The following KDELR2 variants were observed in gnomAD, a reference collection of about 807,000 sequenced individuals.
KDELR2 encodes the protein ER lumen protein-retaining receptor 2.
In KDELR2, 15 loss-of-function variants were observed where a neutral mutation model predicts 23.9. The observed-to-expected ratio is 0.63, with a 90% CI of 0.42 to 0.97. The LOEUF (loss-of-function observed/expected upper bound fraction) is 0.97, where lower values mean the gene tolerates loss of function less well. Among genes scored for constraint, KDELR2 ranks in the 50% least tolerant of loss-of-function variants. The pLI is 0.00. For synonymous variants in KDELR2, 119 were observed against 106.2 expected (o/e 1.12, Z -0.74); for missense variants, 272 against 254.6 (o/e 1.07, Z -0.46).
chr7:6,482,383 A>T (rs1785919162), intron 1 of KDELR2: 12 of 296,076 alleles, frequency 4.1e-5, no homozygotes, highest in South Asian at 3.5e-4. Flanking sequence ...GTGCCTAAAC[A>T]TCACTTACCC....
At chr7:6,471,344 G>A (rs1409423372) in intron 2 of KDELR2, among the ~76,000 whole-genome samples, 1 of 151,572 alleles carries the variant, frequency 6.6e-6, no homozygotes, top group Non-Finnish European at 1.5e-5. Context: ...ACCATGCCCA[G>A]CTAATTTTTA....
At chr7:6,482,211 C>G (rs1375501381) in intron 1 of KDELR2, among the ~76,000 whole-genome samples, 1 of 152,042 alleles carries the variant, frequency 6.6e-6, no homozygotes, top group Non-Finnish European at 1.5e-5. Context: ...CATGTTGAGG[C>G]TGGTCTTGAA....
Position 6,476,282 on chromosome 7 carries a change from A to G in KDELR2, c.92-1998T>C, listed in dbSNP as rs1318925470. 2.1e-5 allele frequency among the ~76,000 whole-genome samples: 3 copies of G among 139,794 alleles called. No homozygotes were observed. The Admixed American group carries it at 2.2e-4, about 10-fold the overall frequency. 91.7% of individuals were successfully genotyped at this position (139,794 alleles called of 152,430 possible). On this transcript the variant is annotated intron_variant, in intron 1 of 4. Transcript: ENST00000258739. ...TCCATCAATAGAAACCAAAGGGCCA[A>G]AGGAGGAGACACGGACAGTGAATCT...
intron 1 of KDELR2, among the ~76,000 whole-genome samples, chr7:6,478,905 C>T (rs1002876071): frequency 1.3e-5 from 2 of 152,042 alleles, no homozygotes; most frequent in Admixed American, 1.3e-4. Flanking sequence ...TCTCCTGCCT[C>T]AGCCTCCCTA....
chr7:6,474,240 T>C lies in KDELR2; in HGVS notation c.136A>G (p.Thr46Ala), dbSNP rs1321755977. 2.5e-6 allele frequency: 4 copies of C among 1,613,878 alleles called. No homozygotes were observed. Among genetic ancestry groups the C allele is most frequent in the African/African-American group, 1.3e-5 (1 of 74,998 alleles). ...SQLLFALVFT[T>A]RYLDLFTSFI... ...GAAGTAAAAAGATCCAGGTAACGAG[T>C]TGTGAAGACCAGTGCAAACAGAAGC... The change falls in exon 2 of 5, where the codon ACT (threonine) becomes GCT (alanine). Residue 46 changes from threonine to alanine, a missense_variant. Physicochemically the swap from Thr to Ala is moderately conservative, Grantham distance 58 (BLOSUM62 0). Coordinates refer to ENST00000258739, the MANE Select transcript of KDELR2 (RefSeq NM_006854.4).
intron 2 of KDELR2, among the ~76,000 whole-genome samples, chr7:6,472,948 G>A (rs985017987): frequency 2.1e-5 from 3 of 142,316 alleles, no homozygotes; most frequent in Admixed American, 1.5e-4. Context: ...CACCCAGGCT[G>A]CCAGGCTGGA....
chr7:6,471,904 CT>C (rs11324108), intron 2 of KDELR2, among the ~76,000 whole-genome samples: 126,821 of 144,022 alleles, frequency 0.88, 56,114 homozygotes, highest in Non-Finnish European at 0.91. Flanking sequence ...GTAAGTTTAA[CT>C]TTTTTTTTTT....
intron 1 of KDELR2, among the ~76,000 whole-genome samples, chr7:6,481,599 G>A (rs933071423): frequency 6.6e-6 from 1 of 151,748 alleles, no homozygotes; most frequent in Non-Finnish European, 1.5e-5. Flanking sequence ...GCTCACACCT[G>A]TACCCAGCAA....
chr7:6,482,832 CAAAAAAAAAAAA>C (rs10525658), intron 1 of KDELR2, among the ~76,000 whole-genome samples: 51,280 of 123,214 alleles, frequency 0.42, 10,530 homozygotes, highest in African/African-American at 0.62. Flanking sequence ...CAAAAAATAG[CAAAAAAAAAAAA>C]AAAAAAAAAA....
At chr7:6,470,995 T>C (rs1785621538) in intron 2 of KDELR2, among the ~76,000 whole-genome samples, 1 of 151,054 alleles carries the variant, frequency 6.6e-6, no homozygotes, top group Non-Finnish European at 1.5e-5. Context: ...CGGGTGCCTA[T>C]AGTTCCAGCT....
rs1785500276 is a variant in KDELR2, at chr7:6,466,223, T to A, written c.452A>T (p.Tyr151Phe). The change falls in exon 4 of 5, where the codon TAC becomes TTC. Residue 151 changes from tyrosine to phenylalanine, a missense_variant. By Grantham distance (22) the Tyr-to-Phe change is conservative. Coordinates refer to ENST00000258739, the MANE Select transcript of KDELR2 (RefSeq NM_006854.4). ...ACGATAGAGGCCCAGGAAGAACAGG[T>A]AGTGGGTGGTGATGGTCTCGGCCTC... is the stretch of plus-strand genomic sequence containing the variant. ...TGEAETITTH[Y>F]LFFLGLYRAL... The A allele has an allele frequency of 6.2e-7, 1 of 1,614,122 alleles. No homozygotes were observed.
At chr7:6,473,448 C>T (rs574958432) in intron 2 of KDELR2, among the ~76,000 whole-genome samples, 1 of 152,218 alleles carries the variant, frequency 6.6e-6, no homozygotes, top group South Asian at 2.1e-4. Context: ...CACAACTTCC[C>T]CCAGTGTGGG....
At chr7:6,481,035 C>T (rs1405503620) in intron 1 of KDELR2, among the ~76,000 whole-genome samples, 1 of 152,132 alleles carries the variant, frequency 6.6e-6, no homozygotes, top group African/African-American at 2.4e-5. Flanking sequence ...TTCATATTTT[C>T]CTTATATGCT....
intron 1 of KDELR2, among the ~76,000 whole-genome samples, chr7:6,475,925 T>A (rs1431069697): frequency 6.6e-6 from 1 of 152,170 alleles, no homozygotes; most frequent in Non-Finnish European, 1.5e-5. Flanking sequence ...TTCTTTTCTT[T>A]TTTTGAGACT....
At chr7:6,469,245 C>T (rs780618640) in intron 3 of KDELR2, among the ~76,000 whole-genome samples, 1 of 152,108 alleles carries the variant, frequency 6.6e-6, no homozygotes, top group Non-Finnish European at 1.5e-5. Context: ...AGCCACTACG[C>T]CCAGCCATAA....
intron 1 of KDELR2, among the ~76,000 whole-genome samples, chr7:6,481,490 G>A (rs139125065): frequency 2.6e-5 from 4 of 152,070 alleles, no homozygotes; most frequent in Admixed American, 2.6e-4. Context: ...ATTTGCCAGA[G>A]GAGGGGATTC....
At chr7:6,472,085 G>C (rs916148817) in intron 2 of KDELR2, among the ~76,000 whole-genome samples, 1 of 152,092 alleles carries the variant, frequency 6.6e-6, no homozygotes, top group Non-Finnish European at 1.5e-5. Context: ...TAGAGATGGG[G>C]TTTCACCATG....
chr7:6,483,870 C>T lies in KDELR2; in HGVS notation c.91+97G>A, dbSNP rs1012870335. On this transcript the variant is annotated intron_variant, in intron 1 of 4. Coordinates refer to ENST00000258739, the MANE Select transcript of KDELR2 (RefSeq NM_006854.4). The stretch of plus-strand genomic sequence containing the variant: ...GCCGAGGGGGTGTGTCGGGCCGGCG[C>T]AGGCCCCGCGAGCCGTGGGGTGGCC... The T allele has an allele frequency of 8.1e-6, 8 of 993,672 alleles. No individual in the cohort carries two copies. In the African/African-American group the frequency reaches 1.0e-4, roughly 13 times the overall value. The allele number at this position is 993,672 out of a possible 1,614,324, so 61.6% of individuals were successfully genotyped here.
chr7:6,482,128 G>T (rs977549699), intron 1 of KDELR2, among the ~76,000 whole-genome samples: 5 of 152,028 alleles, frequency 3.3e-5, no homozygotes, highest in African/African-American at 1.2e-4. Context: ...TCAGCCTACC[G>T]AGTAGCTGGG....
Sources: allele counts gnomAD v4.1 joint callset (sites outside exome capture counted in the v4.1 genomes callset), GRCh38; gene constraint gnomAD v4.1.1; transcripts MANE v1.5; gene names NCBI Gene and HGNC (gene_info 2026-07-23, HGNC 2026-07-21).